HTR2C: variants seen among roughly 807,000 people sequenced by gnomAD.
HTR2C encodes the protein 5-hydroxytryptamine (serotonin) receptor 2C, G protein-coupled.
HTR2C carries 5 observed loss-of-function variants against 21.0 expected under a neutral mutation model. That is an observed-to-expected ratio of 0.24 (90% CI 0.12 to 0.50). The LOEUF (loss-of-function observed/expected upper bound fraction) is 0.50. Ranked by LOEUF, HTR2C falls within the 20% of genes least tolerant of loss-of-function variation. The pLI, the probability that HTR2C is intolerant of heterozygous loss-of-function variation, is 0.98. For synonymous variants in HTR2C, 150 were observed against 145.3 expected (o/e 1.03, Z -0.23); for missense variants, 271 against 371.2 (o/e 0.73, Z 2.22).
chrX:114,601,279 C>T (rs1348592692), intron 1 of HTR2C, among the ~76,000 whole-genome samples: 3 of 110,969 alleles, frequency 2.7e-5, no homozygotes, highest in Non-Finnish European at 5.7e-5. Context: ...TTTTCATGTG[C>T]GTCCCTGTGA....
chrX:114,708,901 T>C (rs1556418822), intron 2 of HTR2C, among the ~76,000 whole-genome samples: 1 of 111,764 alleles, frequency 8.9e-6, no homozygotes, highest in Non-Finnish European at 1.9e-5. Flanking sequence ...AAAGGCATTC[T>C]TTGGCAAATC....
chrX:114,844,983 A>C (rs2070863047), intron 4 of HTR2C, among the ~76,000 whole-genome samples: 1 of 111,623 alleles, frequency 9.0e-6, no homozygotes, highest in Non-Finnish European at 1.9e-5. Flanking sequence ...AATGAGGAAA[A>C]TAGAGGACTT....
At chrX:114,799,657 C>T (rs1293404113) in intron 4 of HTR2C, among the ~76,000 whole-genome samples, 2 of 110,259 alleles carry the variant, frequency 1.8e-5, no homozygotes, top group Non-Finnish European at 3.8e-5. Context: ...TTGAATTCAG[C>T]AGTAGATGTA....
At chrX:114,737,038 A>T in intron 4 of HTR2C, among the ~76,000 whole-genome samples, 1 of 110,504 alleles carries the variant, frequency 9.0e-6, no homozygotes, top group Non-Finnish European at 1.9e-5. Context: ...AAAAAACCAA[A>T]GTATATGAAT....
At position 114,906,577 on chromosome X, in the gene HTR2C, T is replaced by C; in HGVS notation, c.551-12T>C. ...GATGCTATAACAACCCCCTTCCTTT[T>C]TCTTCCTTTAGGTGTATCAGTTCCT... On this transcript the variant is annotated splice_polypyrimidine_tract_variant and intron_variant, in intron 5 of 5. Coordinates refer to ENST00000276198, the MANE Select transcript of HTR2C (RefSeq NM_000868.4). The C allele has an allele frequency of 8.7e-7, 1 of 1,148,960 alleles. No homozygotes were observed. The highest frequency in any genetic ancestry group is 1.2e-6 in the Non-Finnish European group (1 of 851,848). 94.7% of individuals were successfully genotyped at this position (1,148,960 alleles called of 1,213,427 possible).
At chrX:114,831,711 C>A (rs1228077917) in intron 4 of HTR2C, among the ~76,000 whole-genome samples, 1 of 107,535 alleles carries the variant, frequency 9.3e-6, no homozygotes, top group Non-Finnish European at 1.9e-5. Context: ...AATTAGATCC[C>A]ATTTGTCAAT....
intron 4 of HTR2C, among the ~76,000 whole-genome samples, chrX:114,770,597 A>G (rs916758136): frequency 1.0e-4 from 11 of 110,513 alleles, no homozygotes; most frequent in African/African-American, 3.0e-4. Flanking sequence ...GATTTTCTCT[A>G]TTTAGTGAGC....
Position 114,908,413 on chromosome X carries a change from TA to T in HTR2C, c.*1002del, listed in dbSNP as rs1556487766. On this transcript the variant is annotated 3_prime_UTR_variant, in exon 6 of 6. Coordinates refer to ENST00000276198, the MANE Select transcript of HTR2C (RefSeq NM_000868.4). ...CTTAATTTAGCAGTCCATTTTTGAG[TA>T]AAACTTGTATTGGAAGTATAGATGG... The T allele has an allele frequency of 4.5e-5, 5 of 111,790 alleles. No homozygotes were observed. Among genetic ancestry groups the T allele is most frequent in the Non-Finnish European group, 7.5e-5 (4 of 53,101 alleles). 9.2% of individuals were successfully genotyped at this position (111,790 alleles called of 1,213,427 possible).
intron 2 of HTR2C, among the ~76,000 whole-genome samples, chrX:114,711,958 A>C (rs956286834): frequency 1.8e-5 from 2 of 112,079 alleles, no homozygotes; most frequent in Non-Finnish European, 3.8e-5. Flanking sequence ...TCTTTATATC[A>C]ATAAAAGAAG....
At chrX:114,615,370 TA>T (rs34461892) in intron 2 of HTR2C, among the ~76,000 whole-genome samples, 13 of 109,224 alleles carry the variant, frequency 1.2e-4, no homozygotes, top group Admixed American at 6.9e-4. Flanking sequence ...GGGGAAAAAA[TA>T]AAAAAAAATT....
intron 5 of HTR2C, among the ~76,000 whole-genome samples, chrX:114,899,406 G>A (rs187078235): frequency 9.0e-6 from 1 of 111,077 alleles, no homozygotes; most frequent in Non-Finnish European, 1.9e-5. Flanking sequence ...CTTTGTTGGG[G>A]ATCCTGGGGT....
At chrX:114,839,419 G>T (rs1489649460) in intron 4 of HTR2C, among the ~76,000 whole-genome samples, 1 of 111,863 alleles carries the variant, frequency 8.9e-6, no homozygotes, top group Admixed American at 9.5e-5. Context: ...GGGTGTGGGG[G>T]CTTATGCCTG....
intron 2 of HTR2C, among the ~76,000 whole-genome samples, chrX:114,694,799 A>T (rs1478736386): frequency 1.8e-5 from 2 of 111,339 alleles, no homozygotes; most frequent in African/African-American, 6.5e-5. Context: ...TGGGCACAAC[A>T]ATCTATTTCA....
intron 2 of HTR2C, among the ~76,000 whole-genome samples, chrX:114,706,484 C>G (rs1932771069): frequency 1.0e-5 from 1 of 99,263 alleles, no homozygotes; most frequent in Non-Finnish European, 2.0e-5. Context: ...CGCATGTTCT[C>G]ACTCATAGTT....
At chrX:114,776,412 T>C (rs2070057481) in intron 4 of HTR2C, 4 of 745,417 alleles carry the variant, frequency 5.4e-6, no homozygotes, top group Non-Finnish European at 8.4e-6. Context: ...GTCAGGACCA[T>C]AGAGGACACC....
chrX:114,631,175 G>A (rs913646331), intron 2 of HTR2C, among the ~76,000 whole-genome samples: 4 of 110,940 alleles, frequency 3.6e-5, no homozygotes, highest in Non-Finnish European at 5.7e-5. Context: ...GCATGGTGGC[G>A]CACACATGTA....
intron 2 of HTR2C, among the ~76,000 whole-genome samples, chrX:114,685,599 G>A (rs1931886952): frequency 8.9e-6 from 1 of 111,951 alleles, no homozygotes; most frequent in South Asian, 3.7e-4. Context: ...CGCCACCAGA[G>A]GGATTGTCAA....
chrX:114,774,055 G>A (rs1556437957), intron 4 of HTR2C, among the ~76,000 whole-genome samples: 1 of 112,094 alleles, frequency 8.9e-6, no homozygotes, highest in South Asian at 3.6e-4. Flanking sequence ...CACTTATTGA[G>A]TATCTGCTCT....
chrX:114,807,476 A>G (rs2070486515), intron 4 of HTR2C, among the ~76,000 whole-genome samples: 1 of 96,690 alleles, frequency 1.0e-5, no homozygotes, highest in African/African-American at 3.7e-5. Context: ...TATATACCAT[A>G]TATATACATC....
Sources: allele counts gnomAD v4.1 joint callset (sites outside exome capture counted in the v4.1 genomes callset), GRCh38; gene constraint gnomAD v4.1.1; transcripts MANE v1.5; gene names NCBI Gene and HGNC (gene_info 2026-07-23, HGNC 2026-07-21).